The following BMP5 variants were observed in gnomAD, a reference collection of about 807,000 sequenced individuals.
BMP5 encodes the protein bone morphogenetic protein 5.
A neutral mutation model predicts 46.6 loss-of-function variants in BMP5; 23 were observed. That is an observed-to-expected ratio of 0.49 (90% confidence interval 0.35 to 0.70). The LOEUF (loss-of-function observed/expected upper bound fraction) is 0.70. Among genes scored for constraint, BMP5 ranks in the 30% least tolerant of loss-of-function variants. BMP5 has a pLI of 0.00. For synonymous variants in BMP5, 204 were observed against 191.9 expected, an observed-to-expected ratio of 1.06 and a Z score of -0.52; for missense variants, 545 against 565.6, an observed-to-expected ratio of 0.96 and a Z score of 0.37.
chr6:55,774,105 T>C lies in BMP5; in HGVS notation c.971A>G (p.Gln324Arg). 1 of 1,613,100 alleles carries C rather than the reference T, an allele frequency of 6.2e-7. No homozygotes were observed. The highest frequency in any genetic ancestry group is 8.5e-7 in the Non-Finnish European group (1 of 1,179,444). ...SVRAANKRKN[Q>R]NRNKSSSHQD... ...ATGAGAGCTGGATTTATTGCGGTTT[T>C]GATTTTTTCGTTTGTTGGCTGCTCT... is the stretch of plus-strand genomic sequence containing the variant. Residue 324 changes from glutamine (Q) to arginine (R), a missense_variant, in exon 4 of 7, where the codon CAA (glutamine) becomes CGA (arginine). Physicochemically the swap from Gln to Arg is conservative, Grantham distance 43 (BLOSUM62 1). Coordinates refer to ENST00000370830, the MANE Select transcript of BMP5 (RefSeq NM_021073.4).
At chr6:55,810,449 C>T (rs1776101801) in intron 2 of BMP5, among the ~76,000 whole-genome samples, 1 of 152,106 alleles carries the variant, frequency 6.6e-6, no homozygotes, top group South Asian at 2.1e-4. Flanking sequence ...CCTGGCATTA[C>T]ATCATCTCAC....
intron 2 of BMP5, among the ~76,000 whole-genome samples, chr6:55,796,962 AGTG>A (rs1375154380): frequency 6.6e-6 from 1 of 152,148 alleles, no homozygotes; most frequent in African/African-American, 2.4e-5. Context: ...TGATTTCATA[AGTG>A]CACAGTTTTC....
chr6:55,770,097 T>C (rs1050486788), intron 4 of BMP5, among the ~76,000 whole-genome samples: 7 of 151,852 alleles, frequency 4.6e-5, no homozygotes. Context: ...CCAGGTATAT[T>C]AGCCCATAAC....
At chr6:55,759,444 A>G (rs967528007) in intron 5 of BMP5, among the ~76,000 whole-genome samples, 1 of 151,926 alleles carries the variant, frequency 6.6e-6, no homozygotes, top group African/African-American at 2.4e-5. Context: ...CACGAATAAA[A>G]CTATTATAAG....
chr6:55,788,062 T>C (rs16887170), intron 3 of BMP5, among the ~76,000 whole-genome samples: 2,956 of 151,760 alleles, frequency 0.019, 93 homozygotes, highest in African/African-American at 0.066. Context: ...TGCTTGTAAT[T>C]CAATTATCTT....
chr6:55,865,396 G>A (rs752918842), intron 1 of BMP5: 2 of 504,030 alleles, frequency 4.0e-6, no homozygotes, highest in East Asian at 5.6e-5. Context: ...AATAGTTCTA[G>A]GACTCTGACC....
chr6:55,846,373 T>G (rs540448380), intron 1 of BMP5, among the ~76,000 whole-genome samples: 2 of 152,018 alleles, frequency 1.3e-5, no homozygotes, highest in African/African-American at 4.8e-5. Flanking sequence ...AGACACATGG[T>G]AGTTGTTCAG....
At chr6:55,796,426 T>C (rs1350123576) in intron 2 of BMP5, among the ~76,000 whole-genome samples, 1 of 152,078 alleles carries the variant, frequency 6.6e-6, no homozygotes, top group Non-Finnish European at 1.5e-5. Flanking sequence ...CTTTCCAGCA[T>C]GTCTATGAAG....
At chr6:55,867,500 G>C (rs1486417805) in intron 1 of BMP5, among the ~76,000 whole-genome samples, 1 of 152,116 alleles carries the variant, frequency 6.6e-6, no homozygotes, top group Non-Finnish European at 1.5e-5. Context: ...TTCTGGAAAT[G>C]CTGATACATC....
chr6:55,848,785 T>C lies in BMP5; in HGVS notation c.490+25591A>G, dbSNP rs1398504433. On this transcript the variant is annotated intron_variant, in intron 1 of 6. Transcript: ENST00000370830. ...GCCAGGTATCAGGTGGGACAAAGGA[T>C]GCAGCAGGAATCATTTTTCCCTTAT... Among the ~76,000 whole-genome samples, 3 of 152,002 alleles carry C rather than the reference T, an allele frequency of 2.0e-5. No individual in the cohort carries two copies. The East Asian group carries it at 5.8e-4, about 29-fold the overall frequency.
intron 1 of BMP5, among the ~76,000 whole-genome samples, chr6:55,866,542 G>A (rs1185234481): frequency 1.3e-5 from 2 of 152,094 alleles, no homozygotes; most frequent in Non-Finnish European, 2.9e-5. Flanking sequence ...CAGGAGGTAT[G>A]GCATACAATT....
chr6:55,761,312 T>C (rs1774770679), intron 4 of BMP5, among the ~76,000 whole-genome samples: 2 of 152,042 alleles, frequency 1.3e-5, no homozygotes, highest in South Asian at 4.1e-4. Context: ...CTTCTGCCCT[T>C]GCTCCTCTAT....
At chr6:55,821,013 G>T (rs376803391) in intron 1 of BMP5, among the ~76,000 whole-genome samples, 3 of 152,036 alleles carry the variant, frequency 2.0e-5, no homozygotes, top group Non-Finnish European at 2.9e-5. Context: ...GATTCACAAA[G>T]CTCAAAAATT....
In BMP5 at chr6:55,874,584, A is replaced by G; in HGVS notation, c.282T>C (p.Pro94=). Residue 94 remains proline, a synonymous_variant, in exon 1 of 7, where the codon CCT becomes CCC. Coordinates refer to ENST00000370830, the MANE Select transcript of BMP5 (RefSeq NM_021073.4). ...LYNAMTNEEN[P]EESEYSVRAS... Reference sequence around the variant, plus strand: ...CCCTTACTGAGTACTCCGACTCTTCAGGATTTTCTTCATTGGTCATGGCAT... The same window carrying G: ...CCCTTACTGAGTACTCCGACTCTTCGGGATTTTCTTCATTGGTCATGGCAT... 2 of 1,613,576 alleles carry G rather than the reference A, an allele frequency of 1.2e-6. No homozygotes were observed. Among genetic ancestry groups the G allele is most frequent in the Non-Finnish European group, 1.7e-6 (2 of 1,179,726 alleles).
chr6:55,811,042 C>T (rs1776123362), intron 2 of BMP5, among the ~76,000 whole-genome samples: 1 of 152,208 alleles, frequency 6.6e-6, no homozygotes, highest in South Asian at 2.1e-4. Flanking sequence ...GCAAGCTATG[C>T]TTGTGTACCG....
intron 2 of BMP5, among the ~76,000 whole-genome samples, chr6:55,806,568 A>G (rs912629030): frequency 1.3e-5 from 2 of 152,172 alleles, no homozygotes; most frequent in African/African-American, 4.8e-5. Flanking sequence ...TTTTGATTCC[A>G]TATGAAATTT....
chr6:55,873,275 T>C (rs1157397953), intron 1 of BMP5, among the ~76,000 whole-genome samples: 1 of 151,966 alleles, frequency 6.6e-6, no homozygotes, highest in African/African-American at 2.4e-5. Context: ...TAAAACATGT[T>C]AATTTTAAGT....
At chr6:55,837,045 AAAGT>A (rs1409091094) in intron 1 of BMP5, among the ~76,000 whole-genome samples, 1 of 151,526 alleles carries the variant, frequency 6.6e-6, no homozygotes, top group Admixed American at 6.6e-5. Flanking sequence ...AAAAAGTTTT[AAAGT>A]AACTTTTTTT....
At chr6:55,867,589 TAGC>T (rs1401424651) in intron 1 of BMP5, among the ~76,000 whole-genome samples, 1 of 152,156 alleles carries the variant, frequency 6.6e-6, no homozygotes. Context: ...CATGTAGGAC[TAGC>T]ATCACGGGCA....
Sources: allele counts gnomAD v4.1 joint callset (sites outside exome capture counted in the v4.1 genomes callset), GRCh38; gene constraint gnomAD v4.1.1; transcripts MANE v1.5; gene names NCBI Gene and HGNC (gene_info 2026-07-23, HGNC 2026-07-21).